The following HDX variants were observed in gnomAD, a reference collection of about 807,000 sequenced individuals.
HDX encodes the protein chromosome X open reading frame 43.
In HDX, 19 loss-of-function variants were observed where a neutral mutation model predicts 45.2. The observed-to-expected ratio is 0.42, with a 90% confidence interval of 0.29 to 0.62. The LOEUF is 0.62. Ranked by LOEUF, HDX falls within the 20% of genes least tolerant of loss-of-function variation. The pLI, the probability that HDX is intolerant of heterozygous loss-of-function variation, is 0.20. For missense variants in HDX, 532 were observed against 493.9 expected, an observed-to-expected ratio of 1.08 and a Z score of -0.73; for synonymous variants, 188 against 172.8, an observed-to-expected ratio of 1.09 and a Z score of -0.69.
chrX:84,442,235 A>AT (rs1288959839), intron 4 of HDX, among the ~76,000 whole-genome samples: 1 of 111,376 alleles, frequency 9.0e-6, no homozygotes, highest in Non-Finnish European at 1.9e-5. Context: ...AAAATATTTA[A>AT]TGTTTTTCAT....
chrX:84,373,510 A>G (rs1187828204), intron 5 of HDX, among the ~76,000 whole-genome samples: 1 of 111,161 alleles, frequency 9.0e-6, no homozygotes, highest in African/African-American at 3.3e-5. Flanking sequence ...AAAATCCTCA[A>G]TAAAATACTG....
At chrX:84,460,430 A>G (rs1480647661) in intron 4 of HDX, among the ~76,000 whole-genome samples, 1 of 112,360 alleles carries the variant, frequency 8.9e-6, no homozygotes, top group Non-Finnish European at 1.9e-5. Context: ...AACAAAATGA[A>G]GGAACAAAAC....
intron 6 of HDX, among the ~76,000 whole-genome samples, 169 bp from the exon 7 acceptor site, chrX:84,344,626 T>G (rs2037158846): frequency 1.8e-5 from 2 of 111,325 alleles, no homozygotes; most frequent in African/African-American, 6.5e-5. Context: ...ATAATTGTGT[T>G]TTATATTTTT....
At chrX:84,467,500 G>A (rs1026331501) in intron 4 of HDX, among the ~76,000 whole-genome samples, 2 of 109,447 alleles carry the variant, frequency 1.8e-5, no homozygotes, top group Admixed American at 2.0e-4. Flanking sequence ...GGTGGTACAC[G>A]CCTGTAGTCC....
intron 5 of HDX, among the ~76,000 whole-genome samples, chrX:84,371,743 G>A (rs2037899964): frequency 1.8e-5 from 2 of 111,517 alleles, no homozygotes; most frequent in Non-Finnish European, 1.9e-5. Context: ...GTTCACATTT[G>A]ATGCTTATTG....
chrX:84,450,422 T>TA (rs1302677917), intron 4 of HDX, among the ~76,000 whole-genome samples: 1 of 110,284 alleles, frequency 9.1e-6, no homozygotes, highest in South Asian at 3.8e-4. Flanking sequence ...AGACTTTAAG[T>TA]AAAAAACAAT....
At chrX:84,427,667 C>T (rs2039414342) in intron 5 of HDX, among the ~76,000 whole-genome samples, 1 of 110,654 alleles carries the variant, frequency 9.0e-6, no homozygotes, top group African/African-American at 3.3e-5. Context: ...TAGTTTTTTT[C>T]CTATATAGAA....
At chrX:84,368,975 C>T (rs1270732730) in intron 5 of HDX, among the ~76,000 whole-genome samples, 1 of 110,792 alleles carries the variant, frequency 9.0e-6, no homozygotes, top group African/African-American at 3.3e-5. Flanking sequence ...GGAGGCAGAG[C>T]TCAGGCATTA....
At chrX:84,446,448 G>A (rs1034360119) in intron 4 of HDX, among the ~76,000 whole-genome samples, 2 of 111,793 alleles carry the variant, frequency 1.8e-5, no homozygotes, top group African/African-American at 6.5e-5. Context: ...TACTGGGCTG[G>A]AATAGAATGG....
intron 5 of HDX, among the ~76,000 whole-genome samples, chrX:84,416,553 C>T (rs1469481203): frequency 9.0e-6 from 1 of 110,573 alleles, no homozygotes; most frequent in Admixed American, 9.7e-5. Flanking sequence ...AGACCTAGTT[C>T]ATTAGTTCCA....
intron 9 of HDX, among the ~76,000 whole-genome samples, chrX:84,327,946 C>G (rs1028505741): frequency 9.0e-6 from 1 of 110,554 alleles, no homozygotes; most frequent in East Asian, 2.8e-4. Flanking sequence ...ACCTCAGTAG[C>G]TAGACTACAG....
At chrX:84,475,170 C>G in intron 3 of HDX, 81 bp downstream of exon 3, 1 of 829,393 alleles carries the variant, frequency 1.2e-6, no homozygotes, top group Non-Finnish European at 1.7e-6. Flanking sequence ...GACTTCATAC[C>G]CTGAATATTT....
chrX:84,452,432 A>G (rs2040019562), intron 4 of HDX, among the ~76,000 whole-genome samples: 1 of 110,797 alleles, frequency 9.0e-6, no homozygotes, highest in African/African-American at 3.3e-5. Flanking sequence ...AATAGCTAGG[A>G]ATAAATTTAA....
chrX:84,405,166 C>A (rs563446438), intron 5 of HDX, among the ~76,000 whole-genome samples: 1 of 110,546 alleles, frequency 9.0e-6, no homozygotes, highest in South Asian at 3.8e-4. Flanking sequence ...TTGTCACTAT[C>A]ATCATCTATC....
chrX:84,401,766 T>C (rs1037859026), intron 5 of HDX, among the ~76,000 whole-genome samples: 1 of 112,181 alleles, frequency 8.9e-6, no homozygotes, highest in Non-Finnish European at 1.9e-5. Flanking sequence ...CGTATGTTTA[T>C]TGCAGCACTA....
chrX:84,389,614 G>A (rs2038396586), intron 5 of HDX, among the ~76,000 whole-genome samples: 1 of 111,697 alleles, frequency 9.0e-6, no homozygotes, highest in Non-Finnish European at 1.9e-5. Flanking sequence ...GCAATGCACT[G>A]AGGCTGGGCT....
At chrX:84,385,505 G>T (rs1276856105) in intron 5 of HDX, among the ~76,000 whole-genome samples, 1 of 110,321 alleles carries the variant, frequency 9.1e-6, no homozygotes, top group African/African-American at 3.3e-5. Context: ...GAGCCACCGC[G>T]CCCGGCCTCA....
intron 5 of HDX, among the ~76,000 whole-genome samples, chrX:84,362,526 C>T (rs2037646530): frequency 1.8e-5 from 2 of 109,812 alleles, no homozygotes; most frequent in African/African-American, 6.6e-5. Context: ...TATATATATC[C>T]TGCAAAGCCC....
chrX:84,370,391 A>G (rs1286388344), intron 5 of HDX, among the ~76,000 whole-genome samples: 3 of 111,831 alleles, frequency 2.7e-5, no homozygotes, highest in Admixed American at 9.5e-5. Flanking sequence ...TCTCCATCCA[A>G]TCTATGAGTT....
Sources: gnomAD v4.1 joint callset for allele counts (sites outside exome capture counted in the v4.1 genomes callset) on GRCh38, gnomAD v4.1.1 for gene constraint, MANE v1.5 for transcripts, NCBI Gene and HGNC (gene_info 2026-07-23, HGNC 2026-07-21) for gene names.